TLE1: variants seen among roughly 807,000 people sequenced by gnomAD.
TLE1 encodes the protein transducin-like enhancer protein 1.
Under a neutral mutation model 89.8 loss-of-function variants are expected in TLE1, and 21 were observed. The observed-to-expected ratio is 0.23, with a 90% CI of 0.17 to 0.34. The LOEUF (loss-of-function observed/expected upper bound fraction) is 0.34, where lower values mean the gene tolerates loss of function less well. TLE1 is among the 10% of genes least tolerant of loss of function. TLE1 has a pLI of 1.00. For missense variants in TLE1, 795 were observed against 1,031.2 expected (o/e 0.77, Z 3.14); for synonymous variants, 447 against 407.6 (o/e 1.10, Z -1.16).
Position 81,611,880 on chromosome 9 carries a change from G to A in TLE1, c.1143C>T (p.Asn381=), listed in dbSNP as rs758490936. 4.5e-5 allele frequency: 70 copies of A among 1,551,990 alleles called. No homozygotes were observed. Among genetic ancestry groups the A allele is most frequent in the South Asian group, 2.7e-4 (23 of 83,770 alleles). The change falls in exon 13 of 20, where the codon AAC becomes AAT. Residue 381 remains asparagine (N), a synonymous_variant. Coordinates refer to ENST00000376499, the MANE Select transcript of TLE1 (RefSeq NM_005077.5). ...PFGMVPHAGM[N]GELTSPGAAY... is the part of the protein sequence containing the mutation. The stretch of plus-strand genomic sequence containing the variant: ...CAGCGCCTGGGCTGGTCAGCTCGCC[G>A]TTCATGCCAGCGTGGGGGACCATCC...
chr9:81,623,078 G>A (rs1013284204), intron 8 of TLE1, among the ~76,000 whole-genome samples: 1 of 152,130 alleles, frequency 6.6e-6, no homozygotes. Context: ...AATGAGCTTC[G>A]CTGGCAGCAA....
chr9:81,612,162 C>T (rs1823804018), intron 12 of TLE1: 1 of 632,728 alleles, frequency 1.6e-6, no homozygotes, highest in Admixed American at 4.4e-5. Flanking sequence ...AAAGAAAAGA[C>T]TCCAGGGGAA....
chr9:81,612,927 A>G lies in TLE1; in HGVS notation c.1063+450T>C, dbSNP rs561573025. On this transcript the variant is annotated intron_variant, in intron 12 of 19. Coordinates refer to ENST00000376499, the MANE Select transcript of TLE1 (RefSeq NM_005077.5). ...ACAAAAATTAGCCAGGCGTGGTGGC[A>G]GGCGCCTGTAATCCCAGCTCTTTAG... Among the ~76,000 whole-genome samples the G allele has an allele frequency of 3.6e-3, 546 of 152,260 alleles. 3 individuals are homozygous for G. The highest frequency in any genetic ancestry group is 5.7e-3 in the Non-Finnish European group (389 of 68,022).
intron 4 of TLE1, among the ~76,000 whole-genome samples, chr9:81,669,447 G>C (rs73647872): frequency 0.012 from 1,783 of 152,302 alleles, 50 homozygotes; most frequent in African/African-American, 0.04. Flanking sequence ...TGCTTATTCA[G>C]GTTTTAGATC....
Position 81,636,080 on chromosome 9 carries a change from A to C in TLE1, c.373-1779T>G, listed in dbSNP as rs148717810. Among the ~76,000 whole-genome samples the C allele has an allele frequency of 7.9e-3, 1,197 of 152,300 alleles. 14 individuals are homozygous for C. Among genetic ancestry groups the C allele is most frequent in the African/African-American group, 0.027 (1,127 of 41,566 alleles). On this transcript the variant is annotated intron_variant, in intron 6 of 19. Coordinates refer to ENST00000376499, the MANE Select transcript of TLE1 (RefSeq NM_005077.5). ...TCTTTTCAAAGAGAGCATGGTTCTAATTAGAAGCAAAATGGAAAAGGGGAT... is the reference window on the plus strand; with the variant it reads ...TCTTTTCAAAGAGAGCATGGTTCTACTTAGAAGCAAAATGGAAAAGGGGAT...
intron 8 of TLE1, among the ~76,000 whole-genome samples, chr9:81,632,351 T>C (rs1826749567): frequency 6.6e-6 from 1 of 151,990 alleles, no homozygotes; most frequent in African/African-American, 2.4e-5. Flanking sequence ...CCAAGATCTG[T>C]CTCAAAGACA....
At chr9:81,675,577 C>T (rs1832770396) in intron 4 of TLE1, among the ~76,000 whole-genome samples, 1 of 152,102 alleles carries the variant, frequency 6.6e-6, no homozygotes, top group Non-Finnish European at 1.5e-5. Context: ...TCACTAAGAA[C>T]TCTCAGTGGT....
intron 4 of TLE1, among the ~76,000 whole-genome samples, chr9:81,681,074 T>C (rs1833563025): frequency 6.6e-6 from 1 of 152,162 alleles, no homozygotes; most frequent in African/African-American, 2.4e-5. Context: ...CGCATTTTTC[T>C]AAGAGAAATT....
intron 4 of TLE1, among the ~76,000 whole-genome samples, chr9:81,662,350 G>T (rs80248099): frequency 7.2e-6 from 1 of 139,234 alleles, no homozygotes; most frequent in African/African-American, 2.7e-5. Flanking sequence ...GTTAGTATTA[G>T]TGTGCCTGTT....
intron 13 of TLE1, among the ~76,000 whole-genome samples, chr9:81,610,617 C>A (rs528006703): frequency 6.6e-6 from 1 of 152,138 alleles, no homozygotes; most frequent in Non-Finnish European, 1.5e-5. Context: ...ATTTCTCAAC[C>A]TCAGCACTAT....
At chr9:81,687,948 T>C (rs948069969) in intron 1 of TLE1, among the ~76,000 whole-genome samples, 2 of 151,936 alleles carry the variant, frequency 1.3e-5, no homozygotes, top group African/African-American at 2.4e-5. Context: ...AGAGGGGATA[T>C]GGCTGCAGGA....
At chr9:81,665,532 C>CGTGCT (rs976391540) in intron 4 of TLE1, among the ~76,000 whole-genome samples, 4 of 152,190 alleles carry the variant, frequency 2.6e-5, no homozygotes, top group African/African-American at 9.6e-5. Flanking sequence ...AAAAAAAAAC[C>CGTGCT]GTGCTGAAGG....
chr9:81,639,588 G>GT (rs374444332), intron 6 of TLE1, among the ~76,000 whole-genome samples: 4,102 of 123,344 alleles, frequency 0.033, 157 homozygotes, highest in African/African-American at 0.064. Flanking sequence ...TTTTTTTTTT[G>GT]TTTTTTTTTT....
At chr9:81,610,122 A>C in intron 14 of TLE1, 98 bp downstream of exon 14, 1 of 1,069,068 alleles carries the variant, frequency 9.4e-7, no homozygotes, top group Non-Finnish European at 1.4e-6. Context: ...TCTCCTTGGA[A>C]ACGCCCAAGC....
intron 8 of TLE1, among the ~76,000 whole-genome samples, chr9:81,621,819 C>T (rs1412051167): frequency 6.6e-6 from 1 of 152,070 alleles, no homozygotes; most frequent in Non-Finnish European, 1.5e-5. Context: ...AACTGAGGAC[C>T]GGAAGGCAAT....
rs895149179 is a variant in TLE1, at chr9:81,654,502, G to A, written c.235-466C>T. 5.9e-5 allele frequency among the ~76,000 whole-genome samples: 9 copies of A among 152,094 alleles called. No homozygotes were observed. In the East Asian group the frequency reaches 7.8e-4, roughly 13 times the overall value. ...ACTACAGGCGCCCGCCACCACTCCC[G>A]GCTAATTTTTTTCTATTTTTAGTAG... On this transcript the variant is annotated intron_variant, in intron 4 of 19. Coordinates refer to ENST00000376499, the MANE Select transcript of TLE1 (RefSeq NM_005077.5).
At chr9:81,662,843 A>C (rs1034779817) in intron 4 of TLE1, among the ~76,000 whole-genome samples, 2 of 151,510 alleles carry the variant, frequency 1.3e-5, no homozygotes, top group Non-Finnish European at 2.9e-5. Flanking sequence ...TTACTGTTTA[A>C]ATGTTTTTGT....
intron 14 of TLE1, among the ~76,000 whole-genome samples, chr9:81,606,773 A>G (rs1021931844): frequency 6.6e-6 from 1 of 151,284 alleles, no homozygotes; most frequent in Non-Finnish European, 1.5e-5. Context: ...CTTAAAGTAT[A>G]ATTAAAAAAA....
intron 6 of TLE1, 22 bp from the exon 7 acceptor site, chr9:81,634,323 G>GAGA: frequency 6.8e-7 from 1 of 1,463,080 alleles, no homozygotes; most frequent in Non-Finnish European, 9.1e-7. Flanking sequence ...GGTGGTGAGA[G>GAGA]AGAAAAAGGA....
Sources: gnomAD v4.1 joint callset for allele counts (sites outside exome capture counted in the v4.1 genomes callset) on GRCh38, gnomAD v4.1.1 for gene constraint, MANE v1.5 for transcripts, NCBI Gene and HGNC (gene_info 2026-07-23, HGNC 2026-07-21) for gene names.